The following DYM variants were observed in gnomAD, a reference collection of about 807,000 sequenced individuals.
DYM encodes dymeclin, also known as dyggve-Melchior-Clausen syndrome protein.
Under a neutral mutation model 93.1 loss-of-function variants are expected in DYM, and 78 were observed. That is an observed-to-expected ratio of 0.84 (90% confidence interval 0.70 to 1.01). DYM has a LOEUF of 1.01. DYM is among the 50% of genes least tolerant of loss of function. DYM has a pLI of 0.00. For synonymous variants in DYM, 321 were observed against 319.7 expected (o/e 1.00, Z -0.04); for missense variants, 789 against 845.0 (o/e 0.93, Z 0.82).
chr18:49,224,538 G>A (rs573149324), intron 13 of DYM, among the ~76,000 whole-genome samples: 8 of 152,072 alleles, frequency 5.3e-5, no homozygotes, highest in Non-Finnish European at 1.0e-4. Context: ...TGGGGTCTTC[G>A]GGAAGGCATT....
At chr18:49,399,934 C>CTTTTTTTTTTTTTTTTTTTT (rs1201370040) in intron 2 of DYM, among the ~76,000 whole-genome samples, 8 of 66,110 alleles carry the variant, frequency 1.2e-4, no homozygotes, top group Admixed American at 2.3e-4. Flanking sequence ...TTTTATTTTT[C>CTTTTTTTTTTTTTTTTTTTT]TTTTTTTTTT....
intron 8 of DYM, among the ~76,000 whole-genome samples, chr18:49,289,752 TATATATATATATATATATATACAC>T (rs1489281920): frequency 2.4e-5 from 1 of 42,226 alleles, no homozygotes; most frequent in East Asian, 7.1e-4. Flanking sequence ...TATATATATA[TATATATATATATATATATATACAC>T]ATATATATAT....
intron 2 of DYM, among the ~76,000 whole-genome samples, chr18:49,427,269 G>A (rs1238801772): frequency 2.6e-5 from 4 of 152,156 alleles, no homozygotes; most frequent in Non-Finnish European, 5.9e-5. Flanking sequence ...TACAAGGTGT[G>A]AGAAGCAATC....
chr18:49,327,083 C>T (rs2062947510), intron 8 of DYM, among the ~76,000 whole-genome samples: 2 of 143,662 alleles, frequency 1.4e-5, no homozygotes, highest in Non-Finnish European at 3.0e-5. Flanking sequence ...GAAGAAAGTA[C>T]AGAATGAGAC....
intron 15 of DYM, among the ~76,000 whole-genome samples, chr18:49,133,943 T>C (rs1443133732): frequency 6.6e-6 from 1 of 152,196 alleles, no homozygotes; most frequent in Non-Finnish European, 1.5e-5. Flanking sequence ...ATTCCAAATG[T>C]CCGATAGTAG....
intron 13 of DYM, among the ~76,000 whole-genome samples, chr18:49,223,295 T>C (rs189367913): frequency 7.2e-5 from 11 of 152,216 alleles, no homozygotes; most frequent in Admixed American, 1.3e-4. Context: ...TTAGGTCGGG[T>C]AGCAAATAGT....
At chr18:49,279,059 C>T (rs2094910917) in intron 10 of DYM, among the ~76,000 whole-genome samples, 1 of 152,096 alleles carries the variant, frequency 6.6e-6, no homozygotes, top group Non-Finnish European at 1.5e-5. Context: ...CTTGGATTCG[C>T]CCTAGACACT....
intron 3 of DYM, among the ~76,000 whole-genome samples, chr18:49,388,267 T>C (rs941851830): frequency 3.9e-5 from 6 of 152,000 alleles, no homozygotes; most frequent in African/African-American, 1.2e-4. Context: ...GAAGCTGAGG[T>C]TGCAGTGAGC....
intron 2 of DYM, among the ~76,000 whole-genome samples, chr18:49,428,167 G>T (rs1183209739): frequency 2.0e-5 from 3 of 151,516 alleles, no homozygotes; most frequent in Non-Finnish European, 2.9e-5. Flanking sequence ...AGTGAAAGAA[G>T]CCAGTCACGG....
chr18:49,298,426 C>A (rs2060693592), intron 8 of DYM, among the ~76,000 whole-genome samples: 1 of 151,842 alleles, frequency 6.6e-6, no homozygotes, highest in South Asian at 2.1e-4. Context: ...CTAAAAAATA[C>A]AAAAATTAGC....
chr18:49,221,541 T>G (rs2093358175), intron 13 of DYM, among the ~76,000 whole-genome samples: 1 of 151,992 alleles, frequency 6.6e-6, no homozygotes. Flanking sequence ...ATTAAGAAAA[T>G]GTGGCACATA....
chr18:49,383,348 G>A (rs1025044336), intron 3 of DYM, among the ~76,000 whole-genome samples: 7 of 151,982 alleles, frequency 4.6e-5, no homozygotes, highest in Non-Finnish European at 7.4e-5. Context: ...AGCAGCATAC[G>A]GTGGAGGGAG....
chr18:49,297,835 T>C (rs568955523), intron 8 of DYM, among the ~76,000 whole-genome samples: 16 of 152,180 alleles, frequency 1.1e-4, no homozygotes, highest in African/African-American at 1.4e-4. Flanking sequence ...AAAAGCATAC[T>C]TGATGTTGCA....
intron 8 of DYM, among the ~76,000 whole-genome samples, chr18:49,299,787 T>C (rs2060787788): frequency 6.6e-6 from 1 of 152,072 alleles, no homozygotes; most frequent in Non-Finnish European, 1.5e-5. Flanking sequence ...CTCACGCCTG[T>C]AATCCCAGCA....
chr18:49,441,173 A>T (rs895814559), intron 1 of DYM, among the ~76,000 whole-genome samples: 723 of 19,684 alleles, frequency 0.037, 40 homozygotes, highest in South Asian at 0.093. Context: ...TATATTATAT[A>T]ATTATATATT....
intron 17 of DYM, among the ~76,000 whole-genome samples, chr18:49,045,303 T>A (rs2071334607): frequency 6.6e-6 from 1 of 151,988 alleles, no homozygotes; most frequent in Non-Finnish European, 1.5e-5. Flanking sequence ...GGCAGAGAGG[T>A]TTTTATCTGT....
At chr18:49,098,132 T>A (rs2079754690) in intron 16 of DYM, among the ~76,000 whole-genome samples, 1 of 152,172 alleles carries the variant, frequency 6.6e-6, no homozygotes, top group African/African-American at 2.4e-5. Flanking sequence ...TATTTGTCAC[T>A]AAAAAATGAA....
chr18:49,449,580 G>A (rs1432832504), intron 1 of DYM, among the ~76,000 whole-genome samples: 1 of 152,140 alleles, frequency 6.6e-6, no homozygotes, highest in Non-Finnish European at 1.5e-5. Flanking sequence ...TTGAGCTAAT[G>A]GGAAGGGAAC....
At chr18:49,114,384 G>T in intron 16 of DYM, 1 of 199,440 alleles carries the variant, frequency 5.0e-6, no homozygotes, top group Non-Finnish European at 9.0e-6. Flanking sequence ...AGTTTTCACT[G>T]CATACAGGTG....
Sources: gnomAD v4.1 joint callset for allele counts (sites outside exome capture counted in the v4.1 genomes callset) on GRCh38, gnomAD v4.1.1 for gene constraint, MANE v1.5 for transcripts, NCBI Gene and HGNC (gene_info 2026-07-23, HGNC 2026-07-21) for gene names.